SMYD3: variants seen among roughly 807,000 people sequenced by gnomAD.
SMYD3 encodes SET and MYND domain containing 3.
Under a neutral mutation model 57.7 loss-of-function variants are expected in SMYD3, and 36 were observed. That is an observed-to-expected ratio of 0.62 (90% CI 0.48 to 0.82). The LOEUF is 0.82. Ranked by LOEUF, SMYD3 falls within the 40% of genes least tolerant of loss-of-function variation. SMYD3 has a pLI of 0.00. For synonymous variants in SMYD3, 211 were observed against 195.0 expected (o/e 1.08, Z -0.68); for missense variants, 515 against 538.8 (o/e 0.96, Z 0.44).
At chr1:246,014,886 C>T (rs11586168) in intron 5 of SMYD3, among the ~76,000 whole-genome samples, 68,449 of 151,822 alleles carry the variant, frequency 0.45, 19,302 homozygotes, top group Non-Finnish European at 0.63. Flanking sequence ...CCCTTATCTG[C>T]CCAAACTCCC....
chr1:245,843,707 G>A lies in SMYD3; in HGVS notation c.1076+14789C>T, dbSNP rs575351677. Among the ~76,000 whole-genome samples, 7 of 152,250 alleles carry A rather than the reference G, an allele frequency of 4.6e-5. No individual in the cohort carries two copies. In the South Asian group the frequency reaches 6.2e-4, roughly 14 times the overall value. On this transcript the variant is annotated intron_variant, in intron 10 of 11. Coordinates refer to ENST00000490107, the MANE Select transcript of SMYD3 (RefSeq NM_001167740.2). The stretch of plus-strand genomic sequence containing the variant: ...TCAGGATGTTGTCTTGGAACCAGTC[G>A]GAGGAAGGAAAGGGTATGTGTGGTC...
intron 11 of SMYD3, among the ~76,000 whole-genome samples, chr1:245,763,512 A>G (rs1558311395): frequency 6.6e-6 from 1 of 152,186 alleles, no homozygotes; most frequent in Admixed American, 6.5e-5. Context: ...AGCTGTGTGA[A>G]GATGGAGGAG....
intron 5 of SMYD3, among the ~76,000 whole-genome samples, chr1:246,158,471 GATAA>G (rs1175335715): frequency 3.9e-5 from 6 of 152,124 alleles, no homozygotes; most frequent in Non-Finnish European, 5.9e-5. Flanking sequence ...AACACTTTCA[GATAA>G]ATAAATAAAT....
intron 5 of SMYD3, among the ~76,000 whole-genome samples, chr1:245,985,404 C>A (rs932069519): frequency 6.6e-6 from 1 of 152,270 alleles, no homozygotes; most frequent in South Asian, 2.1e-4. Flanking sequence ...TAAAAGTGAA[C>A]CCATTAATTT....
intron 10 of SMYD3, among the ~76,000 whole-genome samples, chr1:245,817,950 G>A (rs1471102069): frequency 6.6e-6 from 1 of 152,144 alleles, no homozygotes; most frequent in Non-Finnish European, 1.5e-5. Context: ...TGGGGAGAAT[G>A]GAAACAAGTT....
chr1:246,236,631 G>C (rs902237379), intron 5 of SMYD3, among the ~76,000 whole-genome samples: 1 of 151,920 alleles, frequency 6.6e-6, no homozygotes, highest in Non-Finnish European at 1.5e-5. Flanking sequence ...AGCCAGGATG[G>C]TCTCGATCTC....
intron 5 of SMYD3, among the ~76,000 whole-genome samples, chr1:246,168,275 T>C (rs1164461368): frequency 6.6e-6 from 1 of 152,200 alleles, no homozygotes; most frequent in East Asian, 1.9e-4. Context: ...ATGTAATTAC[T>C]TGTGTACTTC....
chr1:245,843,226 C>T (rs546622480), intron 10 of SMYD3, among the ~76,000 whole-genome samples: 22 of 152,208 alleles, frequency 1.4e-4, no homozygotes, highest in African/African-American at 4.6e-4. Context: ...AGGGATCACA[C>T]ACTTACGAGC....
At chr1:246,394,200 T>C (rs191870164) in intron 1 of SMYD3, among the ~76,000 whole-genome samples, 5 of 152,354 alleles carry the variant, frequency 3.3e-5, no homozygotes, top group East Asian at 3.9e-4. Flanking sequence ...AACTCATATA[T>C]AGCACAGCTA....
At chr1:246,190,589 A>G (rs867235159) in intron 5 of SMYD3, among the ~76,000 whole-genome samples, 1 of 142,422 alleles carries the variant, frequency 7.0e-6, no homozygotes, top group African/African-American at 2.5e-5. Flanking sequence ...TGTCTCAAAA[A>G]AAAAAAAAAA....
intron 2 of SMYD3, among the ~76,000 whole-genome samples, chr1:246,343,996 C>CA (rs2065670970): frequency 6.6e-6 from 1 of 152,022 alleles, no homozygotes. Context: ...CTTTTAATGG[C>CA]AAAAACCACA....
At chr1:245,879,852 T>C (rs1321206615) in intron 8 of SMYD3, among the ~76,000 whole-genome samples, 1 of 152,242 alleles carries the variant, frequency 6.6e-6, no homozygotes, top group African/African-American at 2.4e-5. Flanking sequence ...TCAATGTCTA[T>C]CTTTGACCAA....
chr1:245,762,808 G>C (rs112295652), intron 11 of SMYD3, among the ~76,000 whole-genome samples: 8 of 152,168 alleles, frequency 5.3e-5, no homozygotes, highest in Non-Finnish European at 7.3e-5. Context: ...GGGATCAGCC[G>C]GCCCCTGGAC....
intron 10 of SMYD3, among the ~76,000 whole-genome samples, chr1:245,790,025 G>A (rs745907996): frequency 6.6e-6 from 1 of 152,282 alleles, no homozygotes; most frequent in Middle Eastern, 3.4e-3. Flanking sequence ...GGGAGACCAC[G>A]GTTCCTGTCC....
chr1:246,378,251 T>C (rs2066311807), intron 1 of SMYD3, among the ~76,000 whole-genome samples: 1 of 152,170 alleles, frequency 6.6e-6, no homozygotes, highest in Non-Finnish European at 1.5e-5. Context: ...AATTAAAATT[T>C]AGTTGACCAC....
intron 1 of SMYD3, among the ~76,000 whole-genome samples, chr1:246,398,928 GTAAT>G (rs2066720051): frequency 1.3e-5 from 2 of 152,086 alleles, no homozygotes; most frequent in Admixed American, 1.3e-4. Context: ...ATTGCCCAGC[GTAAT>G]TAGTCATACC....
intron 1 of SMYD3, among the ~76,000 whole-genome samples, chr1:246,416,554 T>TAAA (rs35559952): frequency 7.9e-5 from 11 of 139,274 alleles, no homozygotes; most frequent in Admixed American, 5.7e-4. Flanking sequence ...CTGGGAAAAG[T>TAAA]AAAAAAAAAA....
In SMYD3 at chr1:246,330,557, A is replaced by G; in HGVS notation, c.337-20T>C. ...ATCCATCTGTGAAGGAAAAGGGGAAAACGCCAATAACAATTTCAAGTGTTC... is the reference window on the plus strand; with the variant it reads ...ATCCATCTGTGAAGGAAAAGGGGAAGACGCCAATAACAATTTCAAGTGTTC... On this transcript the variant is annotated intron_variant, in intron 3 of 11. Coordinates refer to ENST00000490107, the MANE Select transcript of SMYD3 (RefSeq NM_001167740.2). 1 of 1,575,482 alleles carries G rather than the reference A, an allele frequency of 6.3e-7. No homozygotes were observed. Among genetic ancestry groups the G allele is most frequent in the Non-Finnish European group, 8.6e-7 (1 of 1,165,378 alleles).
rs1464307369 is a variant in SMYD3, at chr1:245,982,905, A to G, written c.532-52968T>C. On this transcript the variant is annotated intron_variant, in intron 5 of 11. Coordinates refer to ENST00000490107, the MANE Select transcript of SMYD3 (RefSeq NM_001167740.2). ...CAAGAAACACTTGCAAAGCGGTTCA[A>G]ATTCAAAGGTTCCCTTATACAGTTG... Among the ~76,000 whole-genome samples the G allele has an allele frequency of 3.3e-5, 5 of 152,366 alleles. 1 individual carries two copies. In the South Asian group the frequency reaches 1.0e-3, roughly 32 times the overall value.
Sources: gnomAD v4.1 joint callset for allele counts (sites outside exome capture counted in the v4.1 genomes callset) on GRCh38, gnomAD v4.1.1 for gene constraint, MANE v1.5 for transcripts, NCBI Gene and HGNC (gene_info 2026-07-23, HGNC 2026-07-21) for gene names.